The following LACTB2 variants were observed in gnomAD, a reference collection of about 807,000 sequenced individuals.
LACTB2 encodes the protein lactamase beta 2.
In LACTB2, 32 loss-of-function variants were observed where a neutral mutation model predicts 34.8. The observed-to-expected ratio is 0.92, with a 90% CI of 0.69 to 1.24. The LOEUF is 1.24. Among genes scored for constraint, LACTB2 ranks in the 50% most tolerant of loss-of-function variants. The pLI is 0.00. For synonymous variants in LACTB2, 120 were observed against 117.5 expected (o/e 1.02, Z -0.14); for missense variants, 320 against 345.0 (o/e 0.93, Z 0.57).
intron 4 of LACTB2, among the ~76,000 whole-genome samples, chr8:70,641,672 T>G (rs1481132447): frequency 6.6e-6 from 1 of 152,202 alleles, no homozygotes; most frequent in Non-Finnish European, 1.5e-5. Flanking sequence ...AGACCCACAG[T>G]AAAACTTTAA....
In LACTB2 at chr8:70,661,834, A is replaced by G. The variant is rs749906245; in HGVS notation, c.186T>C (p.Ala62=). The G allele has an allele frequency of 3.3e-5, 54 of 1,613,592 alleles. No homozygotes were observed. In the South Asian group the frequency reaches 5.6e-4, roughly 17 times the overall value. The change falls in exon 2 of 7, where the codon GCT becomes GCC. Residue 62 remains alanine (A), a synonymous_variant. Transcript: ENST00000276590. ...GGATTGCTGTGTTAAATTCAGTTAG[A>G]GCCTGCTTTAAACAGCTGATGTATT... ...IPEYISCLKQ[A]LTEFNTAIQE...
At position 70,657,787 on chromosome 8, in the gene LACTB2, C is replaced by T. The variant is rs761734034; in HGVS notation, c.382G>A (p.Asp128Asn). ...EQQYVYLKDG[D>N]VIKTEGATLR... ...GTGGCTCCCTCAGTCTTAATCACAT[C>T]TCCATCTTTCAGATAAACATATTGT... Residue 128 changes from aspartate (D) to asparagine (N), a missense_variant, in exon 3 of 7, where the codon GAT (aspartate) becomes AAT (asparagine). By Grantham distance (23) the Asp-to-Asn change is conservative (BLOSUM62 1). Transcript: ENST00000276590. 1.2e-6 allele frequency: 2 copies of T among 1,612,992 alleles called. No individual in the cohort carries two copies. Among genetic ancestry groups the T allele is most frequent in the African/African-American group, 1.3e-5 (1 of 74,874 alleles).
intron 5 of LACTB2, among the ~76,000 whole-genome samples, chr8:70,640,297 C>G (rs1339715744): frequency 6.6e-6 from 1 of 152,266 alleles, no homozygotes; most frequent in East Asian, 1.9e-4. Flanking sequence ...AGCTATGCTG[C>G]CTACACAGCA....
At chr8:70,645,490 ACT>A (rs896489000) in intron 3 of LACTB2, among the ~76,000 whole-genome samples, 116 of 150,688 alleles carry the variant, frequency 7.7e-4, no homozygotes, top group African/African-American at 2.5e-3. Flanking sequence ...TCAGAAAAAG[ACT>A]CTTTTTTTTT....
At chr8:70,660,663 G>GA (rs1489328131) in intron 2 of LACTB2, 8 of 456,224 alleles carry the variant, frequency 1.8e-5, no homozygotes, top group Non-Finnish European at 3.5e-5. Context: ...TTCCTGCCAG[G>GA]AGCTTGCTCC....
intron 3 of LACTB2, among the ~76,000 whole-genome samples, chr8:70,656,232 G>A (rs372712583): frequency 9.2e-5 from 14 of 152,176 alleles, no homozygotes; most frequent in African/African-American, 2.2e-4. Context: ...ATTTGCTTTC[G>A]GGTTCTTGGT....
chr8:70,666,779 A>C (rs1818536640), intron 1 of LACTB2, among the ~76,000 whole-genome samples: 1 of 152,210 alleles, frequency 6.6e-6, no homozygotes, highest in Non-Finnish European at 1.5e-5. Flanking sequence ...AATAAATGTC[A>C]GGAAGGGTAT....
intron 1 of LACTB2, among the ~76,000 whole-genome samples, chr8:70,666,539 T>C (rs569988479): frequency 3.9e-5 from 6 of 152,286 alleles, no homozygotes; most frequent in African/African-American, 1.4e-4. Context: ...GAGAGGAGCC[T>C]GATAAGACTG....
rs1376473393 is a variant in LACTB2, at chr8:70,637,778, AT to A, written c.*81del. The A allele has an allele frequency of 1.3e-6, 1 of 769,084 alleles. No individual in the cohort carries two copies. The highest frequency in any genetic ancestry group is 2.9e-5 in the East Asian group (1 of 34,476). 47.6% of individuals were successfully genotyped at this position (769,084 alleles called of 1,614,324 possible). On this transcript the variant is annotated 3_prime_UTR_variant, in exon 7 of 7. Coordinates refer to ENST00000276590, the MANE Select transcript of LACTB2 (RefSeq NM_016027.3). ...TATTTTTAATGTTTTATACTTTTAT[AT>A]TCTCTATAAAATAACCTATAGTTAA...
At position 70,644,945 on chromosome 8, in the gene LACTB2, A is replaced by G. The variant is rs552679105; in HGVS notation, c.414-702T>C. Among the ~76,000 whole-genome samples the G allele has an allele frequency of 9.9e-5, 15 of 152,224 alleles. No homozygotes were observed. In the South Asian group the frequency reaches 2.9e-3, roughly 29 times the overall value. On this transcript the variant is annotated intron_variant, in intron 3 of 6. Transcript: ENST00000276590. ...ATATACTTTTTGATTTTCTATGCAT[A>G]TTTATATATTTTAAAAACAAAACTG...
At position 70,661,744 on chromosome 8, in the gene LACTB2, G is replaced by A. The variant is rs756949574; in HGVS notation, c.276C>T (p.Ser92=). The stretch of plus-strand genomic sequence containing the variant: ...ATGTTTTCTGTTTACCATTATTGAT[G>A]CTTTTACAAATATCTCCTATGCCTC... ...HSGGIGDICK[S]INNDTTYCIK... The change falls in exon 2 of 7, where the codon AGC becomes AGT. Residue 92 remains serine, a synonymous_variant. Coordinates refer to ENST00000276590, the MANE Select transcript of LACTB2 (RefSeq NM_016027.3). 6.2e-7 allele frequency: 1 copy of A among 1,606,296 alleles called. No individual in the cohort carries two copies. Among genetic ancestry groups the A allele is most frequent in the Non-Finnish European group, 8.5e-7 (1 of 1,177,838 alleles).
chr8:70,647,066 G>C (rs1016966610), intron 3 of LACTB2, among the ~76,000 whole-genome samples: 1 of 152,092 alleles, frequency 6.6e-6, no homozygotes, highest in Non-Finnish European at 1.5e-5. Flanking sequence ...ACTACTTTGG[G>C]TTGGGCATTA....
rs752606703 is a variant in LACTB2, at chr8:70,661,872, G to A, written c.148C>T (p.Pro50Ser). 24 of 1,609,172 alleles carry A rather than the reference G, an allele frequency of 1.5e-5. No individual in the cohort carries two copies. Among genetic ancestry groups the A allele is most frequent in the Non-Finnish European group, 2.0e-5 (23 of 1,178,598 alleles). The change falls in exon 2 of 7, where the codon CCA (proline) becomes TCA (serine). Residue 50 changes from proline to serine, a missense_variant. Physicochemically the swap from Pro to Ser is moderately conservative, Grantham distance 74. Transcript: ENST00000276590. Reference protein sequence around the residue: ...PRRILIDTGEPAIPEYISCLK... With the variant: ...PRRILIDTGESAIPEYISCLK... Reference sequence around the variant, plus strand: ...CAGCTGATGTATTCTGGAATTGCTGGTTCTCCAGTGTCAATGAGGATTCTC... The same window carrying A: ...CAGCTGATGTATTCTGGAATTGCTGATTCTCCAGTGTCAATGAGGATTCTC...
At chr8:70,638,896 C>T (rs77737525) in intron 5 of LACTB2, among the ~76,000 whole-genome samples, 6,374 of 150,490 alleles carry the variant, frequency 0.042, 605 homozygotes, top group Admixed American at 0.22. Context: ...AGCACCACCA[C>T]GCCCAGCTAA....
At chr8:70,651,244 CTT>C (rs1818338849) in intron 3 of LACTB2, among the ~76,000 whole-genome samples, 1 of 152,050 alleles carries the variant, frequency 6.6e-6, no homozygotes, top group Non-Finnish European at 1.5e-5. Flanking sequence ...AACTATTATG[CTT>C]TTATAGTTTC....
At chr8:70,654,024 T>C (rs1264307629) in intron 3 of LACTB2, 6 of 152,206 alleles carry the variant, frequency 3.9e-5, no homozygotes, top group Non-Finnish European at 8.8e-5. Context: ...GCAACTGGCA[T>C]TAACTAATAT....
chr8:70,658,491 A>G (rs1818441487), intron 2 of LACTB2, among the ~76,000 whole-genome samples: 1 of 152,202 alleles, frequency 6.6e-6, no homozygotes, highest in South Asian at 2.1e-4. Context: ...CCACTGTGAT[A>G]TCAAAGTTCT....
chr8:70,657,430 T>A, intron 3 of LACTB2, among the ~76,000 whole-genome samples: 1 of 134,070 alleles, frequency 7.5e-6, no homozygotes, highest in South Asian at 2.2e-4. Flanking sequence ...GATCTTCTAT[T>A]TTTTTTTTTT....
intron 5 of LACTB2, among the ~76,000 whole-genome samples, chr8:70,639,309 G>C (rs1348851857): frequency 6.6e-6 from 1 of 151,738 alleles, no homozygotes; most frequent in African/African-American, 2.4e-5. Flanking sequence ...ACAGGCGTGT[G>C]CCACCATGCC....
Sources: allele counts gnomAD v4.1 joint callset (sites outside exome capture counted in the v4.1 genomes callset), GRCh38; gene constraint gnomAD v4.1.1; transcripts MANE v1.5; gene names NCBI Gene and HGNC (gene_info 2026-07-23, HGNC 2026-07-21).